Variants in TBC1D4 observed in about 807,000 individuals in gnomAD.
The protein encoded by TBC1D4 is TBC (Tre-2, BUB2, CDC16) domain-containing protein.
TBC1D4 carries 121 observed loss-of-function variants against 142.5 expected under a neutral mutation model. The ratio of observed to expected loss-of-function variants is 0.85; its 90% confidence interval spans 0.73 to 0.99. The LOEUF (loss-of-function observed/expected upper bound fraction) is 0.99, where lower values mean the gene tolerates loss of function less well. Ranked by LOEUF, TBC1D4 falls within the 50% of genes least tolerant of loss-of-function variation. The pLI is 0.00. For missense variants in TBC1D4, 1,475 were observed against 1,606.6 expected, an observed-to-expected ratio of 0.92 and a Z score of 1.40; for synonymous variants, 630 against 628.2, an observed-to-expected ratio of 1.00 and a Z score of -0.04.
intron 1 of TBC1D4, among the ~76,000 whole-genome samples, chr13:75,412,237 T>C (rs1026664991): frequency 1.7e-4 from 26 of 152,168 alleles, no homozygotes; most frequent in African/African-American, 5.6e-4. Context: ...AACCCCTTTA[T>C]GGCTTCTAAA....
intron 18 of TBC1D4, 110 bp downstream of exon 18, chr13:75,294,744 C>T (rs1270081682): frequency 2.6e-6 from 3 of 1,169,864 alleles, no homozygotes; most frequent in Admixed American, 2.1e-5. Context: ...TAGCAATTTG[C>T]TATTCTGTAT....
intron 1 of TBC1D4, among the ~76,000 whole-genome samples, chr13:75,434,993 C>T (rs944672766): frequency 2.5e-4 from 37 of 150,182 alleles, no homozygotes; most frequent in African/African-American, 8.8e-4. Context: ...GCTAAAAATA[C>T]AAAAATTAGC....
chr13:75,327,830 A>T lies in TBC1D4; in HGVS notation c.1732-4T>A. ...GACCTCTCATTCTGTTAGCTCCCTG[A>T]GTGAAAAGAATAAAATTAAGTGCTT... is the stretch of plus-strand genomic sequence containing the variant. On this transcript the variant is annotated splice_polypyrimidine_tract_variant and splice_region_variant and intron_variant, in intron 8 of 20. Transcript: ENST00000377636. 1 of 1,613,900 alleles carries T rather than the reference A, an allele frequency of 6.2e-7. No homozygotes were observed. Among genetic ancestry groups the T allele is most frequent in the African/African-American group, 1.3e-5 (1 of 75,044 alleles).
chr13:75,481,687 G>A lies in TBC1D4; in HGVS notation c.81C>T (p.Gly27=). 1 of 1,599,320 alleles carries A rather than the reference G, an allele frequency of 6.3e-7. No homozygotes were observed. Among genetic ancestry groups the A allele is most frequent in the South Asian group, 1.1e-5 (1 of 89,580 alleles). Reference sequence around the variant, plus strand: ...ACCGCTTATCGCTTGGCTTCCCGGGGCCGGGCTGAGCTGAGACGCCCGGCT... The same window carrying A: ...ACCGCTTATCGCTTGGCTTCCCGGGACCGGGCTGAGCTGAGACGCCCGGCT... ...EPEPGVSAQP[G]PGKPSDKRFR... The change falls in exon 1 of 21, where the codon GGC becomes GGT. Residue 27 remains glycine (G), a synonymous_variant. Coordinates refer to ENST00000377636, the MANE Select transcript of TBC1D4 (RefSeq NM_014832.5).
At chr13:75,458,586 T>C (rs1003167747) in intron 1 of TBC1D4, among the ~76,000 whole-genome samples, 1 of 152,168 alleles carries the variant, frequency 6.6e-6, no homozygotes, top group African/African-American at 2.4e-5. Context: ...TTTCCCTGCA[T>C]CCTATCTGTA....
rs1037410476 is a variant in TBC1D4 at position 75,283,673 on chromosome 13, G to C, written c.*3119C>G. 5.9e-5 allele frequency among the ~76,000 whole-genome samples: 9 copies of C among 152,206 alleles called. No individual in the cohort carries two copies. Among genetic ancestry groups the C allele is most frequent in the Admixed American group, 6.5e-5 (1 of 15,282 alleles). On this transcript the variant is annotated 3_prime_UTR_variant, in exon 21 of 21. Coordinates refer to ENST00000377636, the MANE Select transcript of TBC1D4 (RefSeq NM_014832.5). ...GCTCTCTCTCCCTTGCTATCTATGA[G>C]GGGGCCTGGAAAATAAAAGGGTAGA...
chr13:75,317,631 C>T (rs1878424578), intron 12 of TBC1D4, among the ~76,000 whole-genome samples: 2 of 152,192 alleles, frequency 1.3e-5, no homozygotes, highest in Non-Finnish European at 2.9e-5. Flanking sequence ...ATTTTGGAAT[C>T]TAAGCATGTG....
chr13:75,310,071 A>T lies in TBC1D4; in HGVS notation c.2464T>A (p.Ser822Thr). The T allele has an allele frequency of 6.2e-7, 1 of 1,614,110 alleles. No homozygotes were observed. The highest frequency in any genetic ancestry group is 8.5e-7 in the Non-Finnish European group (1 of 1,180,002). Residue 822 changes from serine (S) to threonine (T), a missense_variant, in exon 14 of 21, where the codon TCT becomes ACT. Ser to Thr is a moderately conservative substitution (Grantham distance 58). Transcript: ENST00000377636. Reference protein sequence around the residue: ...MEEEPLVVFLSGEDDPEKIEE... With the variant: ...MEEEPLVVFLTGEDDPEKIEE... ...ATCTTTTCTGGGTCATCCTCCCCAG[A>T]CAGGAATACAACCAGCGGTTCCTCC...
At chr13:75,345,406 T>C (rs1370076535) in intron 5 of TBC1D4, among the ~76,000 whole-genome samples, 1 of 152,134 alleles carries the variant, frequency 6.6e-6, no homozygotes, top group Non-Finnish European at 1.5e-5. Flanking sequence ...AAAAATCCTA[T>C]CAGAGAGTGT....
At chr13:75,361,779 T>G (rs988606209) in intron 2 of TBC1D4, among the ~76,000 whole-genome samples, 2 of 152,104 alleles carry the variant, frequency 1.3e-5, no homozygotes, top group Admixed American at 1.3e-4. Context: ...GTTCTACGAA[T>G]TGCTTCCTCC....
At chr13:75,410,842 A>C (rs995145262) in intron 1 of TBC1D4, among the ~76,000 whole-genome samples, 2 of 145,980 alleles carry the variant, frequency 1.4e-5, no homozygotes, top group Non-Finnish European at 3.0e-5. Context: ...AGGCTGAGGC[A>C]GGAGAATGGC....
rs111336190 is a variant in TBC1D4 at position 75,357,017 on chromosome 13, A to C, written c.1171-766T>G. Among the ~76,000 whole-genome samples the C allele has an allele frequency of 2.0e-3, 299 of 152,348 alleles. 4 individuals carry two copies. The highest frequency in any genetic ancestry group is 6.7e-3 in the African/African-American group (277 of 41,578). On this transcript the variant is annotated intron_variant, in intron 3 of 20. Transcript: ENST00000377636. Reference sequence around the variant, plus strand: ...CACCTAAATCCAAGTGAAAAGGAAAAACATGCTTTGAAGTCAGATTTGTGC... The same window carrying C: ...CACCTAAATCCAAGTGAAAAGGAAACACATGCTTTGAAGTCAGATTTGTGC...
At chr13:75,408,472 T>C (rs916785445) in intron 1 of TBC1D4, among the ~76,000 whole-genome samples, 1 of 152,246 alleles carries the variant, frequency 6.6e-6, no homozygotes. Flanking sequence ...TGTTTTGATA[T>C]ATGTATGTAT....
At chr13:75,444,668 T>TAA (rs975060322) in intron 1 of TBC1D4, among the ~76,000 whole-genome samples, 1 of 152,152 alleles carries the variant, frequency 6.6e-6, no homozygotes, top group African/African-American at 2.4e-5. Context: ...CCTTAACACT[T>TAA]ACAAAACAAC....
At chr13:75,333,812 C>G (rs1413132235) in intron 8 of TBC1D4, among the ~76,000 whole-genome samples, 1 of 152,192 alleles carries the variant, frequency 6.6e-6, no homozygotes, top group Non-Finnish European at 1.5e-5. Flanking sequence ...GTCCTTCAGT[C>G]TGGAGTTATT....
chr13:75,409,456 A>G (rs1885494667), intron 1 of TBC1D4, among the ~76,000 whole-genome samples: 1 of 152,220 alleles, frequency 6.6e-6, no homozygotes, highest in African/African-American at 2.4e-5. Flanking sequence ...TCAGTAGCCC[A>G]TTTCAAATCA....
At chr13:75,418,966 A>G (rs1035738377) in intron 1 of TBC1D4, among the ~76,000 whole-genome samples, 1 of 152,184 alleles carries the variant, frequency 6.6e-6, no homozygotes, top group Admixed American at 6.5e-5. Flanking sequence ...CAAAAACCAC[A>G]TGTGGGACCT....
chr13:75,315,565 T>A (rs1459807670), intron 12 of TBC1D4, among the ~76,000 whole-genome samples: 1 of 152,048 alleles, frequency 6.6e-6, no homozygotes, highest in Non-Finnish European at 1.5e-5. Flanking sequence ...ATTATCTTCA[T>A]TTTTGTAACA....
At chr13:75,422,861 A>G (rs916838621) in intron 1 of TBC1D4, among the ~76,000 whole-genome samples, 1 of 152,012 alleles carries the variant, frequency 6.6e-6, no homozygotes, top group African/African-American at 2.4e-5. Context: ...GTATTCAGCT[A>G]CTCTCGGTTT....
Sources: allele counts gnomAD v4.1 joint callset (sites outside exome capture counted in the v4.1 genomes callset), GRCh38; gene constraint gnomAD v4.1.1; transcripts MANE v1.5; gene names NCBI Gene and HGNC (gene_info 2026-07-23, HGNC 2026-07-21).